DNAH10: variants seen among roughly 807,000 people sequenced by gnomAD.
DNAH10 encodes dynein axonemal heavy chain 10, also known as axonemal beta dynein heavy chain 10.
Under a neutral mutation model 506.6 loss-of-function variants are expected in DNAH10, and 348 were observed. The ratio of observed to expected loss-of-function variants is 0.69; its 90% CI spans 0.63 to 0.75. The LOEUF (loss-of-function observed/expected upper bound fraction) is 0.75. DNAH10 is among the 30% of genes least tolerant of loss of function. The pLI is 0.00. For missense variants in DNAH10, 5,179 were observed against 5,787.1 expected, an observed-to-expected ratio of 0.89 and a Z score of 3.41; for synonymous variants, 2,059 against 2,198.6, an observed-to-expected ratio of 0.94 and a Z score of 1.78.
In DNAH10 at chr12:123,785,766, C is replaced by T. The variant is rs1457211157; in HGVS notation, c.1251C>T (p.Gly417=). ...GTCAGAACATAACGCACGGGTCTGG[C>T]TTCCACGTGGTCCTGGACACCATCC... ...RYFKNITHGS[G]FHVVLDTIPA... Residue 417 remains glycine, a synonymous_variant, in exon 9 of 79, where the codon GGC becomes GGT. Transcript: ENST00000673944. The surrounding 1 kb of genome is among the most constrained non-coding windows in gnomAD (Gnocchi z 4.1). 2 of 1,613,188 alleles carry T rather than the reference C, an allele frequency of 1.2e-6. No homozygotes were observed. The highest frequency in any genetic ancestry group is 4.5e-5 in the East Asian group (2 of 44,856).
chr12:123,773,710 G>A (rs1486988554), intron 4 of DNAH10, among the ~76,000 whole-genome samples: 3 of 152,142 alleles, frequency 2.0e-5, no homozygotes, highest in Non-Finnish European at 4.4e-5. Context: ...CAATCCAATC[G>A]TGAGACTCCA....
rs199794311 is a variant in DNAH10 at position 123,866,037 on chromosome 12, A to G, written c.7131A>G (p.Pro2377=). ...ATCCTAAAAACTTGAAATATCGACC[A>G]TACTGGAAAAAATGGGTTAATCAAA... The part of the protein sequence containing the change: ...YVDPKNLKYR[P]YWKKWVNQIP... The change falls in exon 41 of 79, where the codon CCA becomes CCG. Residue 2377 remains proline (P), a synonymous_variant. Transcript: ENST00000673944. 6.2e-7 allele frequency: 1 copy of G among 1,611,198 alleles called. No homozygotes were observed. The highest frequency in any genetic ancestry group is 8.5e-7 in the Non-Finnish European group (1 of 1,179,188).
chr12:123,839,089 G>A (rs1252218983), intron 29 of DNAH10, among the ~76,000 whole-genome samples: 2 of 152,134 alleles, frequency 1.3e-5, no homozygotes, highest in African/African-American at 2.4e-5. Flanking sequence ...GGGATTACAG[G>A]TGTGAGCCAC....
intron 2 of DNAH10, among the ~76,000 whole-genome samples, chr12:123,769,492 T>G (rs559585745): frequency 6.6e-6 from 1 of 152,218 alleles, no homozygotes; most frequent in African/African-American, 2.4e-5. Flanking sequence ...TGGGTTTTGA[T>G]AAGGCAGATG....
At chr12:123,875,888 C>T (rs951230248) in intron 47 of DNAH10, among the ~76,000 whole-genome samples, 8 of 152,056 alleles carry the variant, frequency 5.3e-5, no homozygotes, top group Non-Finnish European at 8.8e-5. Context: ...TCATTTGGAG[C>T]GGGGAGATCA....
intron 36 of DNAH10, among the ~76,000 whole-genome samples, chr12:123,854,437 T>C (rs1249526763): frequency 6.6e-6 from 1 of 152,180 alleles, no homozygotes; most frequent in African/African-American, 2.4e-5. Context: ...TATGGTCCCA[T>C]CACTGCACTC....
chr12:123,931,540 C>T, intron 74 of DNAH10, 68 bp downstream of exon 74: 4 of 1,605,786 alleles, frequency 2.5e-6, no homozygotes, highest in Middle Eastern at 1.7e-4. Context: ...GTAGCCCTCC[C>T]ACGTTGCTGA....
chr12:123,830,780 T>TAA (rs553207799), intron 26 of DNAH10, 81 bp downstream of exon 26: 458 of 939,556 alleles, frequency 4.9e-4, no homozygotes, highest in Non-Finnish European at 5.3e-4. Flanking sequence ...TCATCTATAC[T>TAA]AAAAAAAAAA....
At position 123,925,203 on chromosome 12, in the gene DNAH10, A is replaced by G; in HGVS notation, c.11920A>G (p.Lys3974Glu). 1 of 1,613,760 alleles carries G rather than the reference A, an allele frequency of 6.2e-7. No homozygotes were observed. Among genetic ancestry groups the G allele is most frequent in the Non-Finnish European group, 8.5e-7 (1 of 1,179,770 alleles). Reference sequence around the variant, plus strand: ...CTATGTGACTGTAACAATGGGAGAGAAGTAAGTGTGTCGTTTTGTTGATTT... The same window carrying G: ...CTATGTGACTGTAACAATGGGAGAGGAGTAAGTGTGTCGTTTTGTTGATTT... ...TDYVTVTMGE[K>E]YVQPPMISFE... The change falls in exon 68 of 79, where the codon AAG becomes GAG. Residue 3974 changes from lysine to glutamate, a missense_variant and splice_region_variant. Lys to Glu is a moderately conservative substitution (Grantham distance 56). Transcript: ENST00000673944. The surrounding 1 kb of genome is among the most constrained non-coding windows in gnomAD (Gnocchi z 4.0).
Position 123,928,334 on chromosome 12 carries a change from C to A in DNAH10, c.12106-53C>A. ...GTGTGGAGTGGGTCTCTGGAGAGCA[C>A]GGGGTTGGGTTTGGATGCCAACCCC... On this transcript the variant is annotated intron_variant, in intron 69 of 78. Transcript: ENST00000673944. This position sits in a 1 kb window ranked among gnomAD's most constrained non-coding sequence, Gnocchi z 4.9. 2.0e-6 allele frequency: 3 copies of A among 1,537,848 alleles called. No homozygotes were observed. The highest frequency in any genetic ancestry group is 2.6e-6 in the Non-Finnish European group (3 of 1,140,572).
intron 65 of DNAH10, chr12:123,922,931 T>A (rs893728185): frequency 7.2e-5 from 11 of 152,218 alleles, no homozygotes; most frequent in Admixed American, 6.5e-5. Context: ...ATAGGAAGTT[T>A]GGAGAAATAT....
rs534600959 is a variant in DNAH10, at chr12:123,900,854, T to C, written c.9640+2040T>C. On this transcript the variant is annotated intron_variant, in intron 56 of 78. Coordinates refer to ENST00000673944, the MANE Select transcript of DNAH10 (RefSeq NM_001372106.1). ...GACTTTGGGAGCCTCCAGCATGAGG[T>C]TGGCATCCTATTAGCTCAGCATCCC... Among the ~76,000 whole-genome samples the C allele has an allele frequency of 4.6e-5, 7 of 152,246 alleles. No homozygotes were observed. In the East Asian group the frequency reaches 9.7e-4, roughly 21 times the overall value.
Position 123,893,242 on chromosome 12 carries a change from C to A in DNAH10, c.9005C>A (p.Pro3002His). 2 of 1,614,002 alleles carry A rather than the reference C, an allele frequency of 1.2e-6. No individual in the cohort carries two copies. Among genetic ancestry groups the A allele is most frequent in the Non-Finnish European group, 1.7e-6 (2 of 1,179,874 alleles). ...TGTCTTCCTTTTCCAGGAATTGTAC[C>A]TGCGCTTTTTTCTGAAGAGGAGAAA... ...INNMLTSGIV[P>H]ALFSEEEKES... Residue 3002 changes from proline (P) to histidine (H), a missense_variant, in exon 53 of 79, where the codon CCT becomes CAT. Pro to His is a moderately conservative substitution (Grantham distance 77). This residue lies in a region of DNAH10 where 4,844 missense variants were observed against 5,430.5 expected (regional missense o/e 0.89). Coordinates refer to ENST00000673944, the MANE Select transcript of DNAH10 (RefSeq NM_001372106.1).
intron 59 of DNAH10, among the ~76,000 whole-genome samples, chr12:123,910,969 G>T (rs901438796): frequency 6.6e-6 from 1 of 151,910 alleles, no homozygotes; most frequent in Non-Finnish European, 1.5e-5. Context: ...ACTTTGGAAG[G>T]CCCAGATGGG....
In DNAH10 at chr12:123,915,030, C is replaced by T. The variant is rs769150040; in HGVS notation, c.10722+31C>T. ...GTGGCTCCTCCCAGGGCGTCTTCTG[C>T]CCCCTATTCCTGTTCTCTGGAGAAT... On this transcript the variant is annotated intron_variant, in intron 62 of 78. Transcript: ENST00000673944. 5 of 1,577,358 alleles carry T rather than the reference C, an allele frequency of 3.2e-6. No homozygotes were observed. The Admixed American group carries it at 9.0e-5, about 29-fold the overall frequency.
At chr12:123,802,685 T>G (rs1458757440) in intron 16 of DNAH10, among the ~76,000 whole-genome samples, 1 of 152,000 alleles carries the variant, frequency 6.6e-6, no homozygotes, top group Non-Finnish European at 1.5e-5. Context: ...ATCATCAATA[T>G]ATGAGTGACT....
At chr12:123,891,731 A>AAG (rs1566057210) in intron 52 of DNAH10, among the ~76,000 whole-genome samples, 1 of 152,110 alleles carries the variant, frequency 6.6e-6, no homozygotes, top group Non-Finnish European at 1.5e-5. Context: ...GAATATCCCC[A>AAG]AGACCATCCC....
At chr12:123,806,019 G>T (rs1476428205) in intron 18 of DNAH10, among the ~76,000 whole-genome samples, 3 of 152,066 alleles carry the variant, frequency 2.0e-5, no homozygotes, top group African/African-American at 7.2e-5. Flanking sequence ...CTCATGATCC[G>T]CCCGCGTTGG....
At chr12:123,819,933 G>A (rs1294205742) in intron 23 of DNAH10, among the ~76,000 whole-genome samples, 1 of 151,940 alleles carries the variant, frequency 6.6e-6, no homozygotes, top group Non-Finnish European at 1.5e-5. Flanking sequence ...TTGAACTCCT[G>A]ACCTCAAGTG....
Sources: allele counts gnomAD v4.1 joint callset (sites outside exome capture counted in the v4.1 genomes callset), GRCh38; gene constraint gnomAD v4.1.1; regional missense constraint gnomAD v4.1.1; non-coding constraint Gnocchi (gnomAD v3.1); transcripts MANE v1.5; gene names NCBI Gene and HGNC (gene_info 2026-07-23, HGNC 2026-07-21).